Variants in CDK8 observed in about 807,000 individuals in gnomAD.
CDK8 encodes the protein cyclin-dependent kinase 8.
In CDK8, 29 loss-of-function variants were observed where a neutral mutation model predicts 71.5. That is an observed-to-expected ratio of 0.41 (90% CI 0.30 to 0.55). The LOEUF is 0.55. Among genes scored for constraint, CDK8 ranks in the 20% least tolerant of loss-of-function variants. The pLI is 0.37. For synonymous variants in CDK8, 161 were observed against 192.1 expected (o/e 0.84, Z 1.34); for missense variants, 288 against 572.6 (o/e 0.50, Z 5.07).
chr13:26,306,555 T>G (rs1874050363), intron 1 of CDK8, among the ~76,000 whole-genome samples: 1 of 151,896 alleles, frequency 6.6e-6, no homozygotes, highest in African/African-American at 2.4e-5. Flanking sequence ...AAAGAGAATC[T>G]GTTCAGATTG....
At chr13:26,356,372 TCTG>T (rs1398900372) in intron 4 of CDK8, among the ~76,000 whole-genome samples, 2 of 152,228 alleles carry the variant, frequency 1.3e-5, no homozygotes, top group Admixed American at 1.3e-4. Context: ...TTCTGCAGTG[TCTG>T]CTGCTATCTT....
chr13:26,259,469 G>A (rs1871673978), intron 1 of CDK8, among the ~76,000 whole-genome samples: 1 of 152,096 alleles, frequency 6.6e-6, no homozygotes, highest in African/African-American at 2.4e-5. Flanking sequence ...ATATGCGTAG[G>A]TTATATGCAA....
intron 7 of CDK8, among the ~76,000 whole-genome samples, chr13:26,394,622 A>G (rs1875899583): frequency 6.6e-6 from 1 of 152,176 alleles, no homozygotes; most frequent in East Asian, 1.9e-4. Flanking sequence ...GAATGTGTCC[A>G]CCATTTCTGA....
chr13:26,275,577 A>G (rs1164186688), intron 1 of CDK8, among the ~76,000 whole-genome samples: 1 of 152,216 alleles, frequency 6.6e-6, no homozygotes, highest in Non-Finnish European at 1.5e-5. Flanking sequence ...ATGCAGATTT[A>G]TCTGGACATC....
At chr13:26,289,137 C>T (rs1246907420) in intron 1 of CDK8, among the ~76,000 whole-genome samples, 3 of 144,690 alleles carry the variant, frequency 2.1e-5, no homozygotes, top group Non-Finnish European at 3.0e-5. Flanking sequence ...TTACTGCAAC[C>T]TCTGCCTTCC....
intron 4 of CDK8, among the ~76,000 whole-genome samples, chr13:26,354,169 T>C (rs1417352780): frequency 6.6e-6 from 1 of 152,236 alleles, no homozygotes; most frequent in Admixed American, 6.5e-5. Flanking sequence ...TTAAATTGAT[T>C]ATTAGATACA....
chr13:26,399,697 C>T (rs1566000223), intron 9 of CDK8, among the ~76,000 whole-genome samples: 2 of 152,216 alleles, frequency 1.3e-5, no homozygotes, highest in African/African-American at 4.8e-5. Context: ...TATAATTGCT[C>T]TCCATATATT....
chr13:26,360,859 G>A (rs1056378752), intron 4 of CDK8, among the ~76,000 whole-genome samples: 1 of 152,170 alleles, frequency 6.6e-6, no homozygotes, highest in East Asian at 1.9e-4. Context: ...CTGCAGTGAA[G>A]TGGTGCACAA....
At chr13:26,385,375 T>C in intron 6 of CDK8, 33 bp downstream of exon 6, 1 of 1,556,220 alleles carries the variant, frequency 6.4e-7, no homozygotes, top group Non-Finnish European at 8.7e-7. Flanking sequence ...CCATGAGTTT[T>C]TAAAAGTTTC....
intron 1 of CDK8, among the ~76,000 whole-genome samples, chr13:26,286,678 C>G (rs1345135127): frequency 6.6e-6 from 1 of 152,140 alleles, no homozygotes; most frequent in Non-Finnish European, 1.5e-5. Context: ...AACGAAAAAG[C>G]TTCTGCACAG....
intron 3 of CDK8, among the ~76,000 whole-genome samples, chr13:26,353,381 A>G (rs1479344719): frequency 1.6e-5 from 2 of 125,136 alleles, no homozygotes; most frequent in African/African-American, 3.1e-5. Flanking sequence ...AGCCAGAAGT[A>G]TCTCTTGAAT....
chr13:26,369,154 A>C (rs1356288230), intron 4 of CDK8, among the ~76,000 whole-genome samples: 1 of 151,978 alleles, frequency 6.6e-6, no homozygotes, highest in Admixed American at 6.6e-5. Flanking sequence ...AAAGTCAGCC[A>C]GGGGCGGCAG....
rs1409898876 is a variant in CDK8 at position 26,404,430 on chromosome 13, G to A, written c.*349G>A. On this transcript the variant is annotated 3_prime_UTR_variant, in exon 13 of 13. Transcript: ENST00000381527. Reference sequence around the variant, plus strand: ...GGGGCAAGCATTTGTCTTTGTATGTGGTGAATTTTTTCAGTGTAACAACAT... The same window carrying A: ...GGGGCAAGCATTTGTCTTTGTATGTAGTGAATTTTTTCAGTGTAACAACAT... The A allele has an allele frequency of 3.7e-6, 1 of 269,092 alleles. No homozygotes were observed. The highest frequency in any genetic ancestry group is 7.2e-6 in the Non-Finnish European group (1 of 139,550). The allele number at this position is 269,092 out of a possible 1,614,324, so 16.7% of individuals were successfully genotyped here.
chr13:26,286,130 C>G (rs1405707211), intron 1 of CDK8, among the ~76,000 whole-genome samples: 2 of 152,090 alleles, frequency 1.3e-5, no homozygotes, highest in Non-Finnish European at 2.9e-5. Context: ...AAAATACCAT[C>G]GTCATTCCTC....
At chr13:26,306,562 A>C (rs1874050599) in intron 1 of CDK8, among the ~76,000 whole-genome samples, 1 of 151,166 alleles carries the variant, frequency 6.6e-6, no homozygotes. Flanking sequence ...ATCTGTTCAG[A>C]TTGAAGCAAG....
chr13:26,315,200 T>A (rs1232921360), intron 1 of CDK8, among the ~76,000 whole-genome samples: 1 of 152,198 alleles, frequency 6.6e-6, no homozygotes, highest in Admixed American at 6.5e-5. Context: ...CAATTCAAAT[T>A]TTTCACCTCT....
intron 1 of CDK8, among the ~76,000 whole-genome samples, chr13:26,281,894 T>TG (rs1346462406): frequency 6.6e-6 from 1 of 151,502 alleles, no homozygotes; most frequent in African/African-American, 2.4e-5. Context: ...CTTCTGGAAA[T>TG]GAAAAACACA....
intron 1 of CDK8, among the ~76,000 whole-genome samples, chr13:26,288,123 C>A (rs929191901): frequency 3.9e-5 from 6 of 151,994 alleles, no homozygotes; most frequent in Non-Finnish European, 8.8e-5. Flanking sequence ...CCACCATGCC[C>A]GGCTAATTTT....
At chr13:26,383,146 T>G (rs1875311338) in intron 5 of CDK8, among the ~76,000 whole-genome samples, 1 of 152,218 alleles carries the variant, frequency 6.6e-6, no homozygotes, top group Non-Finnish European at 1.5e-5. Flanking sequence ...GGTGAGGGGC[T>G]TCTATCTCTG....
Sources: gnomAD v4.1 joint callset for allele counts (sites outside exome capture counted in the v4.1 genomes callset) on GRCh38, gnomAD v4.1.1 for gene constraint, MANE v1.5 for transcripts, NCBI Gene and HGNC (gene_info 2026-07-23, HGNC 2026-07-21) for gene names.